The following ATXN7 variants were observed in gnomAD, a reference collection of about 807,000 sequenced individuals.
ATXN7 encodes the protein ataxin-7.
Under a neutral mutation model 70.5 loss-of-function variants are expected in ATXN7, and 12 were observed. The ratio of observed to expected loss-of-function variants is 0.17; its 90% confidence interval spans 0.11 to 0.28. The LOEUF (loss-of-function observed/expected upper bound fraction) is 0.28, where lower values mean the gene tolerates loss of function less well. Ranked by LOEUF, ATXN7 falls within the 10% of genes least tolerant of loss-of-function variation. The pLI, the probability that ATXN7 is intolerant of heterozygous loss-of-function variation, is 1.00. For synonymous variants in ATXN7, 498 were observed against 448.7 expected (o/e 1.11, Z -1.39); for missense variants, 1,256 against 1,131.7 (o/e 1.11, Z -1.58).
chr3:63,964,053 C>A (rs2075177181), intron 5 of ATXN7, among the ~76,000 whole-genome samples: 1 of 147,924 alleles, frequency 6.8e-6, no homozygotes, highest in East Asian at 2.0e-4. Context: ...AAGCCTCTTA[C>A]AATGTTCCTT....
intron 5 of ATXN7, among the ~76,000 whole-genome samples, chr3:63,961,616 G>C (rs1228843953): frequency 6.6e-6 from 1 of 151,916 alleles, no homozygotes; most frequent in African/African-American, 2.4e-5. Flanking sequence ...TGTGTATATG[G>C]ATCAAAACAT....
chr3:63,933,201 T>C (rs1229060690), intron 4 of ATXN7, among the ~76,000 whole-genome samples: 2 of 152,320 alleles, frequency 1.3e-5, no homozygotes, highest in East Asian at 3.9e-4. Context: ...GCTAGGGACA[T>C]GTTTCCTTTC....
chr3:63,981,581 C>A (rs1235916162), intron 6 of ATXN7, among the ~76,000 whole-genome samples: 2 of 152,182 alleles, frequency 1.3e-5, no homozygotes, highest in African/African-American at 2.4e-5. Context: ...TCCCTAAGCT[C>A]CTGTCATAGA....
chr3:63,948,088 T>C (rs1239920969), intron 4 of ATXN7, among the ~76,000 whole-genome samples: 1 of 152,066 alleles, frequency 6.6e-6, no homozygotes, highest in Non-Finnish European at 1.5e-5. Flanking sequence ...GGCAGCCTTG[T>C]GGAAAGGTTT....
At position 63,954,699 on chromosome 3, in the gene ATXN7, GT is replaced by G. The variant is rs1240841936; in HGVS notation, c.499+2227del. 1.9e-3 allele frequency among the ~76,000 whole-genome samples: 233 copies of G among 124,530 alleles called. 1 individual carries two copies. Among genetic ancestry groups the G allele is most frequent in the African/African-American group, 6.1e-3 (197 of 32,102 alleles). The allele number at this position is 124,530 out of a possible 152,430, so 81.7% of individuals were successfully genotyped here. The stretch of plus-strand genomic sequence containing the variant: ...TATCAGTGTACGGGTAGGAAAAAGT[GT>G]TTTTTTTTTTGTTTTTTTTTTTTTT... On this transcript the variant is annotated intron_variant, in intron 5 of 12. Transcript: ENST00000674280.
chr3:63,976,840 C>CAT (rs1433352239), intron 5 of ATXN7, among the ~76,000 whole-genome samples: 1 of 152,174 alleles, frequency 6.6e-6, no homozygotes, highest in African/African-American at 2.4e-5. Flanking sequence ...CAGTGACACA[C>CAT]ACAGAAAAAC....
chr3:63,999,239 G>C (rs1472338545), intron 12 of ATXN7: 1 of 535,546 alleles, frequency 1.9e-6, no homozygotes, highest in African/African-American at 1.9e-5. Flanking sequence ...TTGGCTAGAA[G>C]TGAATCTTTG....
At chr3:63,984,818 C>T (rs1396431622) in intron 8 of ATXN7, among the ~76,000 whole-genome samples, 5 of 152,174 alleles carry the variant, frequency 3.3e-5, no homozygotes, top group Non-Finnish European at 7.3e-5. Flanking sequence ...GCAGCCACCA[C>T]TCTAGTTGTT....
At chr3:63,961,229 T>C (rs2075125342) in intron 5 of ATXN7, among the ~76,000 whole-genome samples, 1 of 152,230 alleles carries the variant, frequency 6.6e-6, no homozygotes, top group South Asian at 2.1e-4. Flanking sequence ...TTTACATTTT[T>C]AACTTAATAA....
rs907167501 is a variant in ATXN7 at position 63,996,063 on chromosome 3, C to A, written c.2241C>A (p.Pro747=). Residue 747 remains proline, a synonymous_variant, in exon 12 of 13, where the codon CCC becomes CCA. Coordinates refer to ENST00000674280, the MANE Select transcript of ATXN7 (RefSeq NM_001377405.1). Reference sequence around the variant, plus strand: ...TGGCTCACTCTGGGCCTCCCTACCCCTCAACGGTAACATCTTCCCATAGCA... The same window carrying A: ...TGGCTCACTCTGGGCCTCCCTACCCATCAACGGTAACATCTTCCCATAGCA... ...NCVAHSGPPY[P]STVTSSHSIG... The A allele has an allele frequency of 6.2e-7, 1 of 1,614,194 alleles. No individual in the cohort carries two copies. Among genetic ancestry groups the A allele is most frequent in the Non-Finnish European group, 8.5e-7 (1 of 1,180,034 alleles).
At chr3:63,979,308 G>T (rs1185442327) in intron 5 of ATXN7, among the ~76,000 whole-genome samples, 1 of 152,068 alleles carries the variant, frequency 6.6e-6, no homozygotes, top group African/African-American at 2.4e-5. Context: ...AGTCAAGTGA[G>T]ATTATTAAAA....
At position 63,995,737 on chromosome 3, in the gene ATXN7, T is replaced by C. The variant is rs1451843686; in HGVS notation, c.1915T>C (p.Cys639Arg). ...PAASGAMDPV[C>R]SMQSRQVSSS... The stretch of plus-strand genomic sequence containing the variant: ...TGCTTCAGGGGCGATGGATCCTGTG[T>C]GCAGTATGCAATCCAGACAAGTGTC... Residue 639 changes from cysteine (C) to arginine (R), a missense_variant, in exon 12 of 13, where the codon TGC becomes CGC. By Grantham distance (180) the Cys-to-Arg change is radical. Coordinates refer to ENST00000674280, the MANE Select transcript of ATXN7 (RefSeq NM_001377405.1). 1 of 1,614,252 alleles carries C rather than the reference T, an allele frequency of 6.2e-7. No individual in the cohort carries two copies.
At chr3:63,902,744 A>G (rs899765301) in intron 2 of ATXN7, among the ~76,000 whole-genome samples, 4 of 152,156 alleles carry the variant, frequency 2.6e-5, no homozygotes, top group South Asian at 4.1e-4. Flanking sequence ...AAGCAAAGGA[A>G]GTGACTTGTA....
At position 64,001,693 on chromosome 3, in the gene ATXN7, G is replaced by A. The variant is rs1196586761; in HGVS notation, c.*2226G>A. On this transcript the variant is annotated 3_prime_UTR_variant, in exon 13 of 13. Coordinates refer to ENST00000674280, the MANE Select transcript of ATXN7 (RefSeq NM_001377405.1). Reference sequence around the variant, plus strand: ...TCTCCCGGTAATACACAGAGCATCGGGATTAGGAAATTAGCCATTTTGGAT... The same window carrying A: ...TCTCCCGGTAATACACAGAGCATCGAGATTAGGAAATTAGCCATTTTGGAT... 1 of 152,104 alleles carries A rather than the reference G, an allele frequency of 6.6e-6. No individual in the cohort carries two copies. Among genetic ancestry groups the A allele is most frequent in the Admixed American group, 6.6e-5 (1 of 15,264 alleles). 9.4% of individuals were successfully genotyped at this position (152,104 alleles called of 1,614,324 possible).
chr3:63,907,046 AGGGCTTACTATGTGACAAGCAT>A (rs1167114748), intron 2 of ATXN7, among the ~76,000 whole-genome samples: 1 of 152,280 alleles, frequency 6.6e-6, no homozygotes, highest in African/African-American at 2.4e-5. Context: ...GATTAGAATT[AGGGCTTACTATGTGACAAGCAT>A]GGTGCTAATA....
chr3:63,966,427 G>A (rs921912972), intron 5 of ATXN7, among the ~76,000 whole-genome samples: 19 of 151,958 alleles, frequency 1.3e-4, no homozygotes, highest in South Asian at 4.2e-4. Context: ...TCTTATTTTC[G>A]CTTATGAGCT....
chr3:63,871,594 A>C (rs1702592081), intron 1 of ATXN7, among the ~76,000 whole-genome samples: 1 of 152,190 alleles, frequency 6.6e-6, no homozygotes, highest in Admixed American at 6.5e-5. Flanking sequence ...GGATTAAGTG[A>C]ATTAGGGCCT....
chr3:63,896,169 A>G (rs1703440806), intron 1 of ATXN7, among the ~76,000 whole-genome samples: 1 of 152,094 alleles, frequency 6.6e-6, no homozygotes, highest in Non-Finnish European at 1.5e-5. Flanking sequence ...CTCCTGTAGG[A>G]TAAAGATATC....
intron 8 of ATXN7, among the ~76,000 whole-genome samples, chr3:63,984,416 G>C (rs2075541257): frequency 6.6e-6 from 1 of 152,094 alleles, no homozygotes; most frequent in Non-Finnish European, 1.5e-5. Flanking sequence ...GGTGGTGTAT[G>C]AAGATAGCCA....
Sources: allele counts gnomAD v4.1 joint callset (sites outside exome capture counted in the v4.1 genomes callset), GRCh38; gene constraint gnomAD v4.1.1; transcripts MANE v1.5; gene names NCBI Gene and HGNC (gene_info 2026-07-23, HGNC 2026-07-21).